Variants in PTPRM observed in about 807,000 individuals in gnomAD.
The protein encoded by PTPRM is protein tyrosine phosphatase receptor type M.
A neutral mutation model predicts 186.7 loss-of-function variants in PTPRM; 47 were observed. That is an observed-to-expected ratio of 0.25 (90% CI 0.20 to 0.32). The LOEUF (loss-of-function observed/expected upper bound fraction) is 0.32, where lower values mean the gene tolerates loss of function less well. Ranked by LOEUF, PTPRM falls within the 10% of genes least tolerant of loss-of-function variation. The probability of loss-of-function intolerance (pLI) is 1.00; values close to 1 mark genes in which losing one functional copy is unlikely to be tolerated. For missense variants in PTPRM, 1,494 were observed against 1,865.0 expected (o/e 0.80, Z 3.66); for synonymous variants, 668 against 674.9 (o/e 0.99, Z 0.16).
intron 2 of PTPRM, among the ~76,000 whole-genome samples, chr18:7,857,043 A>G (rs1032479079): frequency 2.6e-5 from 4 of 152,118 alleles, no homozygotes; most frequent in African/African-American, 9.7e-5. Context: ...TTATTTCCCT[A>G]TCATTGCTCA....
At chr18:8,212,450 C>T (rs902716583) in intron 14 of PTPRM, among the ~76,000 whole-genome samples, 1 of 151,808 alleles carries the variant, frequency 6.6e-6, no homozygotes, top group Non-Finnish European at 1.5e-5. Flanking sequence ...TGTGTGTATA[C>T]ACACACACAC....
chr18:7,985,517 A>G (rs1012063379), intron 7 of PTPRM, among the ~76,000 whole-genome samples: 2 of 148,980 alleles, frequency 1.3e-5, no homozygotes, highest in Admixed American at 1.3e-4. Context: ...ATATACATAT[A>G]CTGGTAGATA....
chr18:7,711,641 T>G (rs571656281), intron 1 of PTPRM, among the ~76,000 whole-genome samples: 2 of 152,166 alleles, frequency 1.3e-5, no homozygotes, highest in Admixed American at 1.3e-4. Flanking sequence ...CTGGACTTGG[T>G]GGGGGGAGTG....
intron 1 of PTPRM, among the ~76,000 whole-genome samples, chr18:7,732,897 G>A (rs1598455546): frequency 6.6e-6 from 1 of 152,034 alleles, no homozygotes; most frequent in African/African-American, 2.4e-5. Flanking sequence ...CTTTTCCAGG[G>A]CTCCCTATGC....
At chr18:7,797,648 CT>C (rs2145302595) in intron 2 of PTPRM, among the ~76,000 whole-genome samples, 1 of 151,956 alleles carries the variant, frequency 6.6e-6, no homozygotes, top group South Asian at 2.1e-4. Flanking sequence ...ATAATCCTCA[CT>C]TCTTCTGGCC....
intron 4 of PTPRM, among the ~76,000 whole-genome samples, chr18:7,918,078 TTGTGTGTGTGTGTGTG>T (rs35838540): frequency 6.1e-5 from 9 of 147,992 alleles, no homozygotes; most frequent in African/African-American, 1.5e-4. Flanking sequence ...TCTTGTGTGT[TTGTGTGTGTGTGTGTG>T]TGTGTGTGTG....
intron 16 of PTPRM, 108 bp from the exon 17 acceptor site, chr18:8,248,042 C>T (rs977278033): frequency 1.3e-5 from 17 of 1,350,954 alleles, no homozygotes; most frequent in East Asian, 1.1e-4. Flanking sequence ...TAACCCAATG[C>T]GTTTCTACAG....
At chr18:8,232,992 G>A (rs958517627) in intron 14 of PTPRM, among the ~76,000 whole-genome samples, 2 of 152,132 alleles carry the variant, frequency 1.3e-5, no homozygotes, top group African/African-American at 4.8e-5. Flanking sequence ...CTGGAACAAT[G>A]GGTACTAGAT....
chr18:8,279,289 G>T (rs1319978651), intron 19 of PTPRM, among the ~76,000 whole-genome samples: 1 of 152,170 alleles, frequency 6.6e-6, no homozygotes, highest in East Asian at 1.9e-4. Context: ...GCATGAAACG[G>T]CATCTGTGCA....
chr18:8,379,097 G>C (rs3819095), intron 27 of PTPRM, 70 bp from the exon 28 acceptor site: 946,708 of 1,368,266 alleles, frequency 0.69, 328,805 homozygotes, highest in Admixed American at 0.81. Flanking sequence ...TGCATCTTTC[G>C]AAAACTGCAC....
At chr18:8,158,322 A>G (rs1459742922) in intron 14 of PTPRM, among the ~76,000 whole-genome samples, 1 of 152,168 alleles carries the variant, frequency 6.6e-6, no homozygotes, top group Non-Finnish European at 1.5e-5. Context: ...CAAGTGCTTC[A>G]TGATCTTTAC....
intron 14 of PTPRM, among the ~76,000 whole-genome samples, chr18:8,152,829 T>C (rs1470028828): frequency 6.6e-6 from 1 of 150,566 alleles, no homozygotes; most frequent in African/African-American, 2.4e-5. Context: ...GCAGTTCTTC[T>C]GCCTCAGCCT....
chr18:8,186,129 C>T (rs943565369), intron 14 of PTPRM, among the ~76,000 whole-genome samples: 3 of 151,864 alleles, frequency 2.0e-5, no homozygotes, highest in African/African-American at 7.3e-5. Flanking sequence ...AGATCAAGAC[C>T]ATCCTGGCCA....
chr18:8,082,861 C>T (rs2090210963), intron 9 of PTPRM, among the ~76,000 whole-genome samples: 1 of 152,066 alleles, frequency 6.6e-6, no homozygotes, highest in Non-Finnish European at 1.5e-5. Flanking sequence ...CTTAGTATGT[C>T]CACCTGTGTC....
At chr18:7,815,570 C>G (rs990310284) in intron 2 of PTPRM, 3 of 152,158 alleles carry the variant, frequency 2.0e-5, no homozygotes, top group Admixed American at 1.3e-4. Flanking sequence ...GCAATCCCAG[C>G]TACTAGGTAG....
At chr18:8,233,770 A>G (rs779429023) in intron 14 of PTPRM, among the ~76,000 whole-genome samples, 10 of 152,018 alleles carry the variant, frequency 6.6e-5, no homozygotes, top group Non-Finnish European at 1.3e-4. Context: ...TAGGAGTTTC[A>G]TAGTTTTGCA....
chr18:8,390,159 G>A (rs1434660890), intron 31 of PTPRM, among the ~76,000 whole-genome samples: 3 of 152,216 alleles, frequency 2.0e-5, no homozygotes, highest in Admixed American at 2.0e-4. Flanking sequence ...TCCAGGGACA[G>A]ATCCGTACCT....
intron 1 of PTPRM, among the ~76,000 whole-genome samples, chr18:7,740,004 T>A (rs1258228997): frequency 2.6e-5 from 4 of 152,256 alleles, no homozygotes; most frequent in Non-Finnish European, 4.4e-5. Context: ...CACATTGTGC[T>A]GTTTAAATTT....
intron 13 of PTPRM, among the ~76,000 whole-genome samples, chr18:8,115,127 A>G (rs998728744): frequency 2.0e-5 from 3 of 152,306 alleles, no homozygotes; most frequent in East Asian, 1.9e-4. Context: ...ATATGATCTC[A>G]GTACACGTTT....
Sources: allele counts gnomAD v4.1 joint callset (sites outside exome capture counted in the v4.1 genomes callset), GRCh38; gene constraint gnomAD v4.1.1; transcripts MANE v1.5; gene names NCBI Gene and HGNC (gene_info 2026-07-23, HGNC 2026-07-21).